The following XKR6 variants were observed in gnomAD, a reference collection of about 807,000 sequenced individuals.
XKR6 encodes XK-related protein 6.
XKR6 carries 22 observed loss-of-function variants against 56.7 expected under a neutral mutation model. That is an observed-to-expected ratio of 0.39 (90% confidence interval 0.28 to 0.55). XKR6 has a LOEUF of 0.55. XKR6 is among the 20% of genes least tolerant of loss of function. The probability of loss-of-function intolerance (pLI) is 0.66; values close to 1 mark genes in which losing one functional copy is unlikely to be tolerated. For synonymous variants in XKR6, 524 were observed against 387.8 expected, an observed-to-expected ratio of 1.35 and a Z score of -4.13; for missense variants, 852 against 889.0, an observed-to-expected ratio of 0.96 and a Z score of 0.53.
chr8:11,019,292 A>G (rs1015386068), intron 1 of XKR6, among the ~76,000 whole-genome samples: 7 of 149,404 alleles, frequency 4.7e-5, no homozygotes, highest in African/African-American at 1.7e-4. Context: ...GATCTTCACC[A>G]AAGATGAGTG....
At chr8:10,928,613 G>A (rs556935887) in intron 1 of XKR6, among the ~76,000 whole-genome samples, 253 of 152,292 alleles carry the variant, frequency 1.7e-3, no homozygotes, top group African/African-American at 5.0e-3. Context: ...GCCACACGGT[G>A]GCGCCAGACC....
intron 1 of XKR6, among the ~76,000 whole-genome samples, chr8:11,197,482 T>C (rs1312331942): frequency 6.6e-6 from 1 of 152,180 alleles, no homozygotes; most frequent in Non-Finnish European, 1.5e-5. Context: ...TAACAACACA[T>C]TGTACAAAAG....
At chr8:11,151,286 A>G (rs1051908364) in intron 1 of XKR6, among the ~76,000 whole-genome samples, 1 of 152,216 alleles carries the variant, frequency 6.6e-6, no homozygotes, top group Admixed American at 6.5e-5. Flanking sequence ...TATTTATTGA[A>G]CTTTAACCCA....
chr8:10,923,944 G>A (rs1183634475), intron 2 of XKR6, among the ~76,000 whole-genome samples: 4 of 152,308 alleles, frequency 2.6e-5, no homozygotes, highest in East Asian at 3.9e-4. Flanking sequence ...GATAAACTCC[G>A]TACCTCCCAA....
rs183592175 is a variant in XKR6, at chr8:10,966,508, C to G, written c.765-41678G>C. 2.5e-4 allele frequency among the ~76,000 whole-genome samples: 38 copies of G among 152,156 alleles called. 1 individual carries two copies. Among genetic ancestry groups the G allele is most frequent in the Admixed American group, 2.2e-3 (34 of 15,288 alleles). ...CCAACATGGTGAAACCCCGTCTCTA[C>G]TAAAAATACAAAAAAATTAGCCTGG... On this transcript the variant is annotated intron_variant, in intron 1 of 2. Transcript: ENST00000416569.
At chr8:10,899,910 G>A (rs115765117) in intron 2 of XKR6, among the ~76,000 whole-genome samples, 1 of 152,122 alleles carries the variant, frequency 6.6e-6, no homozygotes, top group Non-Finnish European at 1.5e-5. Flanking sequence ...ACAATCCATT[G>A]TTACTGAAGT....
chr8:11,137,576 G>C, intron 1 of XKR6: 1 of 456,212 alleles, frequency 2.2e-6, no homozygotes, highest in South Asian at 1.5e-5. Context: ...AAGACAGCAG[G>C]GAGAAGTTCT....
intron 1 of XKR6, among the ~76,000 whole-genome samples, chr8:10,963,454 T>C (rs1221987517): frequency 6.6e-6 from 1 of 152,180 alleles, no homozygotes; most frequent in African/African-American, 2.4e-5. Context: ...CTTCCTGCTG[T>C]CACTGGGATG....
chr8:11,114,724 C>CGTGTGT (rs1563146255), intron 1 of XKR6, among the ~76,000 whole-genome samples: 14 of 122,232 alleles, frequency 1.1e-4, no homozygotes, highest in African/African-American at 5.8e-4. Context: ...ACTTAGATCA[C>CGTGTGT]ATATGTGTGT....
intron 1 of XKR6, among the ~76,000 whole-genome samples, chr8:11,193,918 T>C (rs1803724274): frequency 6.6e-6 from 1 of 152,134 alleles, no homozygotes; most frequent in South Asian, 2.1e-4. Context: ...AAATTGCAAA[T>C]TCACAAAATT....
At chr8:10,926,497 C>A (rs1800890250) in intron 1 of XKR6, among the ~76,000 whole-genome samples, 1 of 152,202 alleles carries the variant, frequency 6.6e-6, no homozygotes, top group Non-Finnish European at 1.5e-5. Context: ...TCTCCAGACC[C>A]ACCCCCTGTG....
At position 10,998,267 on chromosome 8, in the gene XKR6, A is replaced by G. The variant is rs111488084; in HGVS notation, c.765-73437T>C. Among the ~76,000 whole-genome samples the G allele has an allele frequency of 1.5e-3, 213 of 141,564 alleles. 3 individuals are homozygous for G. The highest frequency in any genetic ancestry group is 5.0e-3 in the African/African-American group (203 of 40,284). The allele number at this position is 141,564 out of a possible 152,430, so 92.9% of individuals were successfully genotyped here. ...AGGAGAAGAAAGAGAAGGAGTGGCT[A>G]CACACACACACACACATACACACAC... On this transcript the variant is annotated intron_variant, in intron 1 of 2. Transcript: ENST00000416569.
At chr8:11,075,441 G>A (rs1167786902) in intron 1 of XKR6, among the ~76,000 whole-genome samples, 2 of 152,158 alleles carry the variant, frequency 1.3e-5, no homozygotes, top group African/African-American at 4.8e-5. Flanking sequence ...GGCAAAAGCT[G>A]ACTCTTCCCA....
intron 1 of XKR6, among the ~76,000 whole-genome samples, chr8:10,969,777 G>A (rs1368643695): frequency 6.6e-6 from 1 of 152,232 alleles, no homozygotes; most frequent in African/African-American, 2.4e-5. Context: ...TAGCCAGGAG[G>A]CCACAGTATA....
intron 1 of XKR6, chr8:11,137,031 G>C (rs1194653025): frequency 6.6e-6 from 1 of 152,378 alleles, no homozygotes; most frequent in African/African-American, 2.4e-5. Flanking sequence ...GATGGTAGAA[G>C]ACACTATGTT....
At chr8:11,097,239 G>A (rs946244870) in intron 1 of XKR6, among the ~76,000 whole-genome samples, 1 of 152,118 alleles carries the variant, frequency 6.6e-6, no homozygotes, top group Non-Finnish European at 1.5e-5. Flanking sequence ...AAGTATTTGT[G>A]TATTTTCCCC....
intron 1 of XKR6, among the ~76,000 whole-genome samples, chr8:11,116,206 G>T (rs1799164483): frequency 6.6e-6 from 1 of 152,100 alleles, no homozygotes; most frequent in Non-Finnish European, 1.5e-5. Flanking sequence ...TATGTCGGAG[G>T]GCACTGTTCT....
chr8:11,083,341 A>G (rs1797789579), intron 1 of XKR6, among the ~76,000 whole-genome samples: 1 of 151,992 alleles, frequency 6.6e-6, no homozygotes, highest in Non-Finnish European at 1.5e-5. Context: ...CCACGGTGCA[A>G]TTTTCCCCAG....
At chr8:11,025,931 G>T (rs1798850763) in intron 1 of XKR6, among the ~76,000 whole-genome samples, 1 of 152,116 alleles carries the variant, frequency 6.6e-6, no homozygotes. Flanking sequence ...AAATACACAT[G>T]AGATATCAAA....
Sources: allele counts gnomAD v4.1 joint callset (sites outside exome capture counted in the v4.1 genomes callset), GRCh38; gene constraint gnomAD v4.1.1; transcripts MANE v1.5; gene names NCBI Gene and HGNC (gene_info 2026-07-23, HGNC 2026-07-21).